The following NCOA6 variants were observed in gnomAD, a reference collection of about 807,000 sequenced individuals.
NCOA6 encodes the protein nuclear receptor coactivator 6.
A neutral mutation model predicts 171.4 loss-of-function variants in NCOA6; 49 were observed. The observed-to-expected ratio is 0.29, with a 90% CI of 0.23 to 0.36. The LOEUF is 0.36. Among genes scored for constraint, NCOA6 ranks in the 10% least tolerant of loss-of-function variants. The pLI is 1.00. For missense variants in NCOA6, 2,248 were observed against 2,554.5 expected (o/e 0.88, Z 2.59); for synonymous variants, 910 against 927.5 (o/e 0.98, Z 0.34).
intron 1 of NCOA6, among the ~76,000 whole-genome samples, chr20:34,815,288 G>A (rs543886563): frequency 6.6e-6 from 1 of 151,812 alleles, no homozygotes; most frequent in Admixed American, 6.5e-5. Context: ...GAGGTAAGAG[G>A]ATCGCTTGAG....
intron 2 of NCOA6, among the ~76,000 whole-genome samples, chr20:34,786,123 T>C (rs1360312548): frequency 1.3e-5 from 2 of 152,240 alleles, no homozygotes; most frequent in East Asian, 1.9e-4. Flanking sequence ...TTCTAGTTTA[T>C]GTACATAGAG....
chr20:34,761,454 T>C (rs1224034725), intron 5 of NCOA6, among the ~76,000 whole-genome samples: 3 of 152,052 alleles, frequency 2.0e-5, no homozygotes, highest in Non-Finnish European at 4.4e-5. Flanking sequence ...TTTCCAAAAA[T>C]ATGAGATATT....
chr20:34,777,138 AG>A (rs2077352780), intron 3 of NCOA6, among the ~76,000 whole-genome samples: 1 of 150,528 alleles, frequency 6.6e-6, no homozygotes, highest in African/African-American at 2.4e-5. Flanking sequence ...AAAAAAAAAA[AG>A]GTAAAGGACA....
chr20:34,808,824 G>T (rs2078551537), intron 1 of NCOA6, among the ~76,000 whole-genome samples: 1 of 152,164 alleles, frequency 6.6e-6, no homozygotes, highest in South Asian at 2.1e-4. Context: ...ACAATCTGCT[G>T]GGGAAGGGAA....
chr20:34,791,798 A>T (rs79202837), intron 2 of NCOA6, among the ~76,000 whole-genome samples: 2,794 of 152,258 alleles, frequency 0.018, 42 homozygotes, highest in Non-Finnish European at 0.03. Flanking sequence ...AATACTGTAC[A>T]TGAAGGAAAT....
Position 34,727,373 on chromosome 20 carries a change from T to G in NCOA6, c.6034A>C (p.Ile2012Leu). The change falls in exon 14 of 15, where the codon ATC becomes CTC. Residue 2012 changes from isoleucine (I) to leucine (L), a missense_variant. By Grantham distance (5) the Ile-to-Leu change is conservative (BLOSUM62 2). This residue lies in a region of NCOA6 where 884 missense variants were observed against 941.9 expected (regional missense o/e 0.94). Transcript: ENST00000359003. ...GTTCGGGAGTTTCTTCGGCCTGGGA[T>G]TTTGGACTTTTCAACTATCTCTTTG... Reference protein sequence around the residue: ...EPKEIVEKSKIPGRRNSRTEE... With the variant: ...EPKEIVEKSKLPGRRNSRTEE... 1 of 1,613,986 alleles carries G rather than the reference T, an allele frequency of 6.2e-7. No homozygotes were observed. Among genetic ancestry groups the G allele is most frequent in the Non-Finnish European group, 8.5e-7 (1 of 1,180,032 alleles).
intron 1 of NCOA6, among the ~76,000 whole-genome samples, chr20:34,803,599 T>C (rs2078332495): frequency 6.6e-6 from 1 of 152,200 alleles, no homozygotes; most frequent in South Asian, 2.1e-4. Context: ...TGCTTAAATA[T>C]AAGCAAATAG....
At chr20:34,772,309 GTC>G (rs998537983) in intron 4 of NCOA6, among the ~76,000 whole-genome samples, 1 of 143,976 alleles carries the variant, frequency 6.9e-6, no homozygotes, top group Non-Finnish European at 1.5e-5. Context: ...GTGAGACTTT[GTC>G]TCAAAAAAAA....
intron 14 of NCOA6, among the ~76,000 whole-genome samples, chr20:34,725,942 T>C (rs957768351): frequency 6.6e-6 from 1 of 152,146 alleles, no homozygotes; most frequent in Non-Finnish European, 1.5e-5. Flanking sequence ...AGGCTGTTAC[T>C]AAAGAAGAGG....
chr20:34,755,310 T>A (rs1054353689), intron 7 of NCOA6, among the ~76,000 whole-genome samples: 1 of 152,214 alleles, frequency 6.6e-6, no homozygotes, highest in Non-Finnish European at 1.5e-5. Context: ...TGGGTCCTGA[T>A]ATTAAGGATA....
Position 34,749,816 on chromosome 20 carries a change from G to A in NCOA6, c.2379C>T (p.Pro793=). 6 of 1,614,240 alleles carry A rather than the reference G, an allele frequency of 3.7e-6. No individual in the cohort carries two copies. Among genetic ancestry groups the A allele is most frequent in the Non-Finnish European group, 5.1e-6 (6 of 1,180,034 alleles). The change falls in exon 9 of 15, where the codon CCC becomes CCT. Residue 793 remains proline, a synonymous_variant. Coordinates refer to ENST00000359003, the MANE Select transcript of NCOA6 (RefSeq NM_014071.5). ...IQGQVLRPPG[P]SPHMAQQHGD... ...CATGCTGCTGGGCCATGTGTGGGCT[G>A]GGCCCTGGTGGCCGCAGGACCTGTC...
At chr20:34,750,986 C>A (rs1334549971) in intron 8 of NCOA6, among the ~76,000 whole-genome samples, 2 of 151,664 alleles carry the variant, frequency 1.3e-5, no homozygotes, top group African/African-American at 4.9e-5. Context: ...TGCACTCCAG[C>A]CTGGTGACAG....
chr20:34,777,508 A>C (rs1445837045), intron 3 of NCOA6, among the ~76,000 whole-genome samples: 1 of 150,798 alleles, frequency 6.6e-6, no homozygotes, highest in Non-Finnish European at 1.5e-5. Flanking sequence ...CCAGCTACTC[A>C]GGAGGCTGAG....
rs561043848 is a variant in NCOA6, at chr20:34,729,930, G to A, written c.6000-2523C>T. On this transcript the variant is annotated intron_variant, in intron 13 of 14. Transcript: ENST00000359003. ...CATAAGCCAAGGTAAGTCAAGGAGA[G>A]GTGAGGCTGGAGCTGGGGTGGAATT... Among the ~76,000 whole-genome samples the A allele has an allele frequency of 4.6e-5, 7 of 152,294 alleles. No individual in the cohort carries two copies. The South Asian group carries it at 1.5e-3, about 32-fold the overall frequency.
chr20:34,810,065 C>T (rs1430561615), intron 1 of NCOA6, among the ~76,000 whole-genome samples: 5 of 152,202 alleles, frequency 3.3e-5, no homozygotes, highest in Non-Finnish European at 7.3e-5. Flanking sequence ...GCTCAATATA[C>T]TTTTGAAATA....
chr20:34,732,421 G>A (rs2075815129), intron 13 of NCOA6, 138 bp downstream of exon 13: 6 of 707,798 alleles, frequency 8.5e-6, no homozygotes, highest in East Asian at 2.8e-5. Flanking sequence ...AGCTCTCTAC[G>A]TTAGCAGTAA....
intron 14 of NCOA6, among the ~76,000 whole-genome samples, chr20:34,725,433 A>G (rs1989846072): frequency 6.6e-6 from 1 of 152,086 alleles, no homozygotes; most frequent in Non-Finnish European, 1.5e-5. Context: ...AGAGAAGAGC[A>G]CTCCCTGCAG....
At chr20:34,812,949 C>G (rs1052495361) in intron 1 of NCOA6, among the ~76,000 whole-genome samples, 1 of 151,932 alleles carries the variant, frequency 6.6e-6, no homozygotes, top group African/African-American at 2.4e-5. Context: ...ATAATGAGGT[C>G]AGGAGTTGGA....
At chr20:34,717,020 T>C (rs1022031038) in intron 14 of NCOA6, among the ~76,000 whole-genome samples, 1 of 152,264 alleles carries the variant, frequency 6.6e-6, no homozygotes, top group Non-Finnish European at 1.5e-5. Flanking sequence ...AATTTTCTGA[T>C]ACTGCATGTT....
Sources: allele counts gnomAD v4.1 joint callset (sites outside exome capture counted in the v4.1 genomes callset), GRCh38; gene constraint gnomAD v4.1.1; regional missense constraint gnomAD v4.1.1; transcripts MANE v1.5; gene names NCBI Gene and HGNC (gene_info 2026-07-23, HGNC 2026-07-21).